The following UXS1 variants were observed in gnomAD, a reference collection of about 807,000 sequenced individuals.
UXS1 encodes UDP-glucuronate decarboxylase 1.
Under a neutral mutation model 62.6 loss-of-function variants are expected in UXS1, and 33 were observed. The observed-to-expected ratio is 0.53, with a 90% confidence interval of 0.40 to 0.70. The LOEUF is 0.70. Ranked by LOEUF, UXS1 falls within the 30% of genes least tolerant of loss-of-function variation. The pLI, the probability that UXS1 is intolerant of heterozygous loss-of-function variation, is 0.00. For missense variants in UXS1, 434 were observed against 556.3 expected (o/e 0.78, Z 2.21); for synonymous variants, 213 against 206.8 (o/e 1.03, Z -0.26).
chr2:106,181,864 T>C (rs1317965838), intron 1 of UXS1, among the ~76,000 whole-genome samples: 1 of 152,210 alleles, frequency 6.6e-6, no homozygotes, highest in African/African-American at 2.4e-5. Flanking sequence ...CATGTAAAGC[T>C]CTATTATTTC....
intron 1 of UXS1, among the ~76,000 whole-genome samples, chr2:106,175,189 G>C (rs1683803198): frequency 6.6e-6 from 1 of 152,168 alleles, no homozygotes; most frequent in African/African-American, 2.4e-5. Context: ...ATTCAAAATG[G>C]AAATCTTGTA....
chr2:106,178,701 T>A lies in UXS1; in HGVS notation c.95-12618A>T, dbSNP rs1684054202. Among the ~76,000 whole-genome samples the A allele has an allele frequency of 2.0e-5, 3 of 152,206 alleles. No homozygotes were observed. In the South Asian group the frequency reaches 6.2e-4, roughly 32 times the overall value. On this transcript the variant is annotated intron_variant, in intron 1 of 14. Coordinates refer to ENST00000283148, the MANE Select transcript of UXS1 (RefSeq NM_001253875.2). ...AACATTCCACATGGAGTAGGGCCCATGGGGCACACCCTGCCCCACCCTAGT... is the reference window on the plus strand; with the variant it reads ...AACATTCCACATGGAGTAGGGCCCAAGGGGCACACCCTGCCCCACCCTAGT...
At chr2:106,100,328 G>T (rs1677488275) in intron 12 of UXS1, among the ~76,000 whole-genome samples, 1 of 152,186 alleles carries the variant, frequency 6.6e-6, no homozygotes, top group Admixed American at 6.5e-5. Flanking sequence ...CCAAGGAGGA[G>T]GCAGCTTAGG....
At chr2:106,110,491 T>C (rs1036737945) in intron 10 of UXS1, among the ~76,000 whole-genome samples, 5 of 152,140 alleles carry the variant, frequency 3.3e-5, no homozygotes, top group African/African-American at 1.2e-4. Flanking sequence ...CTGAACACAG[T>C]TGCTAAAAAG....
intron 1 of UXS1, among the ~76,000 whole-genome samples, chr2:106,168,881 T>C (rs964893529): frequency 1.3e-5 from 2 of 152,118 alleles, no homozygotes; most frequent in African/African-American, 2.4e-5. Context: ...TTCTGTAAAA[T>C]GCATTGGGAA....
intron 8 of UXS1, among the ~76,000 whole-genome samples, chr2:106,123,495 G>A (rs899196757): frequency 1.3e-5 from 2 of 152,100 alleles, no homozygotes; most frequent in Admixed American, 6.5e-5. Flanking sequence ...AATGAAAAAC[G>A]CAGCATCTCT....
intron 9 of UXS1, among the ~76,000 whole-genome samples, chr2:106,116,478 G>A (rs369596893): frequency 3.9e-5 from 6 of 152,124 alleles, no homozygotes; most frequent in South Asian, 2.1e-4. Context: ...AGCATCTGCC[G>A]CCAAAGACTG....
At chr2:106,162,708 T>C (rs1454123354) in intron 4 of UXS1, among the ~76,000 whole-genome samples, 1 of 152,240 alleles carries the variant, frequency 6.6e-6, no homozygotes, top group Non-Finnish European at 1.5e-5. Flanking sequence ...AGGAATCTGT[T>C]AAAAATTACT....
chr2:106,166,979 A>G lies in UXS1; in HGVS notation c.95-896T>C, dbSNP rs1032592396. On this transcript the variant is annotated intron_variant, in intron 1 of 14. Coordinates refer to ENST00000283148, the MANE Select transcript of UXS1 (RefSeq NM_001253875.2). ...ATGAAAGCAAACCCAGAGAGGTTAA[A>G]CAGTGGCCTGCAGTGCGGCTTAACT... Among the ~76,000 whole-genome samples, 5 of 152,174 alleles carry G rather than the reference A, an allele frequency of 3.3e-5. No homozygotes were observed. In the South Asian group the frequency reaches 1.0e-3, roughly 32 times the overall value.
chr2:106,142,660 G>A (rs1032519000), intron 6 of UXS1, among the ~76,000 whole-genome samples: 1 of 152,164 alleles, frequency 6.6e-6, no homozygotes, highest in Non-Finnish European at 1.5e-5. Context: ...TGGGCATTGT[G>A]AGGGCAGAAA....
At chr2:106,154,589 G>A (rs551981578) in intron 5 of UXS1, among the ~76,000 whole-genome samples, 1 of 152,278 alleles carries the variant, frequency 6.6e-6, no homozygotes, top group South Asian at 2.1e-4. Flanking sequence ...ACTCCCCTCA[G>A]AGCCTTCAGA....
At chr2:106,147,716 T>C (rs1681685103) in intron 5 of UXS1, among the ~76,000 whole-genome samples, 1 of 152,358 alleles carries the variant, frequency 6.6e-6, no homozygotes, top group Admixed American at 6.5e-5. Flanking sequence ...TTGTAACTTC[T>C]GCCTCTCTAA....
chr2:106,124,304 C>T (rs905782158), intron 8 of UXS1, among the ~76,000 whole-genome samples: 3 of 152,326 alleles, frequency 2.0e-5, no homozygotes, highest in East Asian at 1.9e-4. Flanking sequence ...GCTGGGTACG[C>T]CCATCTGTCC....
intron 1 of UXS1, among the ~76,000 whole-genome samples, chr2:106,192,579 T>C (rs1467446225): frequency 6.6e-6 from 1 of 150,870 alleles, no homozygotes; most frequent in Non-Finnish European, 1.5e-5. Context: ...AAACTTCCCA[T>C]GGCTCCATAA....
At chr2:106,121,459 G>A (rs752015931) in intron 9 of UXS1, among the ~76,000 whole-genome samples, 5 of 152,160 alleles carry the variant, frequency 3.3e-5, no homozygotes, top group Non-Finnish European at 5.9e-5. Context: ...AAAGAAAACA[G>A]TTGAGAATCA....
chr2:106,141,031 G>T (rs1488303305), intron 6 of UXS1, among the ~76,000 whole-genome samples: 2 of 152,210 alleles, frequency 1.3e-5, no homozygotes, highest in African/African-American at 4.8e-5. Flanking sequence ...GCTTTCTGAA[G>T]CATGGTTTAT....
At chr2:106,149,972 T>A (rs755406803) in intron 5 of UXS1, among the ~76,000 whole-genome samples, 1 of 152,180 alleles carries the variant, frequency 6.6e-6, no homozygotes, top group Non-Finnish European at 1.5e-5. Flanking sequence ...TGATGAGGTC[T>A]CAGATGGAAA....
In UXS1 at chr2:106,161,798, T is replaced by C. The variant is rs147572684; in HGVS notation, c.230+1869A>G. Reference sequence around the variant, plus strand: ...AAAGTATTAAGCAATGGGAGTGTGGTAAAAGAGAAAAAGCCCACATACAAT... The same window carrying C: ...AAAGTATTAAGCAATGGGAGTGTGGCAAAAGAGAAAAAGCCCACATACAAT... On this transcript the variant is annotated intron_variant, in intron 4 of 14. Transcript: ENST00000283148. Among the ~76,000 whole-genome samples, 47 of 152,242 alleles carry C rather than the reference T, an allele frequency of 3.1e-4. 2 individuals carry two copies. In the East Asian group the frequency reaches 8.3e-3, roughly 27 times the overall value.
chr2:106,176,362 T>C (rs1683879856), intron 1 of UXS1, among the ~76,000 whole-genome samples: 1 of 152,244 alleles, frequency 6.6e-6, no homozygotes, highest in Non-Finnish European at 1.5e-5. Flanking sequence ...GATAAGAATA[T>C]GCATCATTCT....
Sources: gnomAD v4.1 joint callset for allele counts (sites outside exome capture counted in the v4.1 genomes callset) on GRCh38, gnomAD v4.1.1 for gene constraint, MANE v1.5 for transcripts, NCBI Gene and HGNC (gene_info 2026-07-23, HGNC 2026-07-21) for gene names.